The following ATP11B variants were observed in gnomAD, a reference collection of about 807,000 sequenced individuals.
ATP11B encodes the protein phospholipid-transporting ATPase IF.
In ATP11B, 81 loss-of-function variants were observed where a neutral mutation model predicts 157.8. The observed-to-expected ratio is 0.51, with a 90% CI of 0.43 to 0.62. The LOEUF is 0.62. Ranked by LOEUF, ATP11B falls within the 20% of genes least tolerant of loss-of-function variation. ATP11B has a pLI of 0.00. For missense variants in ATP11B, 1,165 were observed against 1,402.2 expected, an observed-to-expected ratio of 0.83 and a Z score of 2.70; for synonymous variants, 451 against 469.4, an observed-to-expected ratio of 0.96 and a Z score of 0.51.
At chr3:182,862,121 A>G (rs1298989286) in intron 12 of ATP11B, among the ~76,000 whole-genome samples, 1 of 151,880 alleles carries the variant, frequency 6.6e-6, no homozygotes, top group African/African-American at 2.4e-5. Flanking sequence ...TACTAGCTGG[A>G]ATACAAAAAT....
rs1725289160 is a variant in ATP11B, at chr3:182,918,740, G to A, written c.*636G>A. On this transcript the variant is annotated 3_prime_UTR_variant, in exon 30 of 30. Coordinates refer to ENST00000323116, the MANE Select transcript of ATP11B (RefSeq NM_014616.3). The stretch of plus-strand genomic sequence containing the variant: ...TTATACCAATTCCTCTAACTGTACT[G>A]TAACACAGCCTGTAAAGTTAGCCAT... 5.4e-6 allele frequency: 1 copy of A among 184,436 alleles called. No homozygotes were observed. Among genetic ancestry groups the A allele is most frequent in the Non-Finnish European group, 1.1e-5 (1 of 89,720 alleles). The allele number at this position is 184,436 out of a possible 1,614,324, so 11.4% of individuals were successfully genotyped here.
intron 12 of ATP11B, among the ~76,000 whole-genome samples, chr3:182,863,910 GCTTTTTTTAATTAA>G (rs1721040438): frequency 6.6e-6 from 1 of 151,790 alleles, no homozygotes; most frequent in Non-Finnish European, 1.5e-5. Context: ...ACATGTGTGG[GCTTTTTTTAATTAA>G]CTTGCATGGG....
intron 13 of ATP11B, 79 bp downstream of exon 13, chr3:182,865,777 A>G (rs566268026): frequency 4.2e-5 from 50 of 1,201,560 alleles, no homozygotes; most frequent in Admixed American, 1.6e-4. Context: ...GCAGGAAAAA[A>G]AGTTTGTGTC....
chr3:182,798,280 A>G (rs539562751), intron 1 of ATP11B, among the ~76,000 whole-genome samples: 6 of 152,338 alleles, frequency 3.9e-5, no homozygotes, highest in African/African-American at 1.2e-4. Flanking sequence ...CAGTTGGCCC[A>G]TTGTAGGTAT....
In ATP11B at chr3:182,918,230, T is replaced by C. The variant is rs1257225323; in HGVS notation, c.*126T>C. The stretch of plus-strand genomic sequence containing the variant: ...AATCTTTGTAGTAGTTCATACCCAC[T>C]CAGAGTTATAATGGCAAACAAACAG... On this transcript the variant is annotated 3_prime_UTR_variant, in exon 30 of 30. Coordinates refer to ENST00000323116, the MANE Select transcript of ATP11B (RefSeq NM_014616.3). The C allele has an allele frequency of 1.5e-6, 2 of 1,364,448 alleles. No homozygotes were observed. Among genetic ancestry groups the C allele is most frequent in the Non-Finnish European group, 2.0e-6 (2 of 1,014,962 alleles). The allele number at this position is 1,364,448 out of a possible 1,614,324, so 84.5% of individuals were successfully genotyped here. A position where few individuals can be genotyped will look rare whatever the true frequency, so the allele number is the denominator to read the frequency against.
chr3:182,903,594 A>G (rs1724122001), intron 28 of ATP11B, among the ~76,000 whole-genome samples: 1 of 152,202 alleles, frequency 6.6e-6, no homozygotes, highest in Admixed American at 6.5e-5. Context: ...CAATGGTGTA[A>G]TAATTACAGA....
intron 15 of ATP11B, 48 bp from the exon 16 acceptor site, chr3:182,869,030 A>G (rs1721449059): frequency 7.9e-7 from 1 of 1,264,490 alleles, no homozygotes; most frequent in African/African-American, 1.5e-5. Context: ...ACTTAATATT[A>G]TTTTAAAAAA....
At chr3:182,893,995 C>T (rs1389987670) in intron 25 of ATP11B, among the ~76,000 whole-genome samples, 1 of 152,078 alleles carries the variant, frequency 6.6e-6, no homozygotes, top group Non-Finnish European at 1.5e-5. Flanking sequence ...TGAGAATTGC[C>T]TATTCATGTC....
intron 23 of ATP11B, among the ~76,000 whole-genome samples, chr3:182,887,186 G>A (rs1279297483): frequency 6.6e-6 from 1 of 152,188 alleles, no homozygotes; most frequent in African/African-American, 2.4e-5. Flanking sequence ...AGGAAGTGTA[G>A]TGTGTAGACA....
At chr3:182,908,512 A>T (rs1243667515) in intron 28 of ATP11B, 1 of 152,092 alleles carries the variant, frequency 6.6e-6, no homozygotes, top group South Asian at 2.1e-4. Context: ...TTAGGTATGT[A>T]ATACATACAG....
chr3:182,802,321 A>T (rs1406417330), intron 1 of ATP11B, among the ~76,000 whole-genome samples: 2 of 152,086 alleles, frequency 1.3e-5, no homozygotes, highest in African/African-American at 4.8e-5. Context: ...CACCAGAGTG[A>T]TCTTATTAAA....
At chr3:182,916,873 T>A in intron 29 of ATP11B, 1 of 983,028 alleles carries the variant, frequency 1.0e-6, no homozygotes, top group South Asian at 4.7e-5. Context: ...TTAAAAGTTA[T>A]AGTTAAAAGC....
At chr3:182,834,522 G>C (rs1293693187) in intron 4 of ATP11B, among the ~76,000 whole-genome samples, 1 of 152,022 alleles carries the variant, frequency 6.6e-6, no homozygotes, top group African/African-American at 2.4e-5. Flanking sequence ...TTTCACAAAT[G>C]GTAACATAGA....
chr3:182,917,144 T>G, intron 29 of ATP11B: 2 of 985,322 alleles, frequency 2.0e-6, no homozygotes, highest in Non-Finnish European at 2.4e-6. Flanking sequence ...AATTGGGGCC[T>G]TTTTTAACGC....
chr3:182,864,148 T>C (rs1459152337), intron 12 of ATP11B, among the ~76,000 whole-genome samples: 1 of 152,142 alleles, frequency 6.6e-6, no homozygotes, highest in East Asian at 1.9e-4. Context: ...TTATATATTC[T>C]ATTTTTTTTA....
intron 19 of ATP11B, among the ~76,000 whole-genome samples, chr3:182,877,004 GA>G (rs1722089758): frequency 6.6e-6 from 1 of 152,152 alleles, no homozygotes; most frequent in Admixed American, 6.5e-5. Flanking sequence ...GTCGCACAAA[GA>G]ATTTCATGCC....
At chr3:182,831,631 C>G (rs1421112943) in intron 4 of ATP11B, among the ~76,000 whole-genome samples, 1 of 151,810 alleles carries the variant, frequency 6.6e-6, no homozygotes, top group East Asian at 1.9e-4. Flanking sequence ...TGTCCTCGAA[C>G]ACAGTAAGCA....
intron 10 of ATP11B, 39 bp downstream of exon 10, chr3:182,848,596 A>G: frequency 8.6e-7 from 1 of 1,167,194 alleles, no homozygotes; most frequent in Non-Finnish European, 1.2e-6. Flanking sequence ...TGTAATTATA[A>G]CTCTACATTT....
At chr3:182,913,592 A>G (rs1210051762) in intron 28 of ATP11B, among the ~76,000 whole-genome samples, 1 of 152,240 alleles carries the variant, frequency 6.6e-6, no homozygotes, top group Non-Finnish European at 1.5e-5. Context: ...ATTAAAATGA[A>G]ACATTAAAAG....
Sources: gnomAD v4.1 joint callset for allele counts (sites outside exome capture counted in the v4.1 genomes callset) on GRCh38, gnomAD v4.1.1 for gene constraint, MANE v1.5 for transcripts, NCBI Gene and HGNC (gene_info 2026-07-23, HGNC 2026-07-21) for gene names.